HSD17B4: variants seen among roughly 807,000 people sequenced by gnomAD.
HSD17B4 encodes the protein hydroxysteroid 17-beta dehydrogenase 4.
In HSD17B4, 70 loss-of-function variants were observed where a neutral mutation model predicts 101.0. The ratio of observed to expected loss-of-function variants is 0.69; its 90% CI spans 0.57 to 0.85. The LOEUF (loss-of-function observed/expected upper bound fraction) is 0.85, where lower values mean the gene tolerates loss of function less well. HSD17B4 is among the 40% of genes least tolerant of loss of function. The pLI, the probability that HSD17B4 is intolerant of heterozygous loss-of-function variation, is 0.00. For missense variants in HSD17B4, 984 were observed against 892.4 expected (o/e 1.10, Z -1.31); for synonymous variants, 347 against 297.1 (o/e 1.17, Z -1.73).
At chr5:119,494,326 T>TTTCTTTCTTTCC (rs1378214332) in intron 11 of HSD17B4, among the ~76,000 whole-genome samples, 457 of 24,332 alleles carry the variant, frequency 0.019, 2 homozygotes, top group Middle Eastern at 0.034. Flanking sequence ...CTTTCTTTCT[T>TTTCTTTCTTTCC]TTCTTTCTTT....
rs564890029 is a variant in HSD17B4, at chr5:119,482,795, A to G, written c.622+3774A>G. Among the ~76,000 whole-genome samples, 61 of 152,110 alleles carry G rather than the reference A, an allele frequency of 4.0e-4. 1 individual carries two copies. The highest frequency in any genetic ancestry group is 1.3e-3 in the African/African-American group (54 of 41,532). Reference sequence around the variant, plus strand: ...ACTGGAGCCCTGTTGATGGAGTGGTAAGGTATTGGGGAGGGGAAGTGTTCT... The same window carrying G: ...ACTGGAGCCCTGTTGATGGAGTGGTGAGGTATTGGGGAGGGGAAGTGTTCT... On this transcript the variant is annotated intron_variant, in intron 8 of 23. Transcript: ENST00000510025.
chr5:119,461,772 C>T (rs949828951), intron 2 of HSD17B4, among the ~76,000 whole-genome samples: 4 of 150,286 alleles, frequency 2.7e-5, no homozygotes, highest in African/African-American at 9.8e-5. Context: ...GTAGTCTTAG[C>T]TACTCAGGAG....
rs746719825 is a variant in HSD17B4 at position 119,496,660 on chromosome 5, A to C, written c.972+14A>C. On this transcript the variant is annotated intron_variant, in intron 12 of 23. Coordinates refer to ENST00000510025, the MANE Select transcript of HSD17B4 (RefSeq NM_000414.4). ...ACATCAGGATTTGTAAGTGGGAAAA[A>C]AGCCTAAAGCGTTTGCCTTCTCTGG... The C allele has an allele frequency of 6.9e-7, 1 of 1,438,978 alleles. No individual in the cohort carries two copies. Among genetic ancestry groups the C allele is most frequent in the Non-Finnish European group, 9.8e-7 (1 of 1,020,170 alleles). 89.1% of individuals were successfully genotyped at this position (1,438,978 alleles called of 1,614,324 possible).
At chr5:119,481,200 A>T (rs1580569370) in intron 8 of HSD17B4, among the ~76,000 whole-genome samples, 2 of 152,172 alleles carry the variant, frequency 1.3e-5, no homozygotes, top group African/African-American at 4.8e-5. Context: ...AATCTTTACA[A>T]TTTATGTTTA....
At chr5:119,521,987 G>A (rs1461638407) in intron 17 of HSD17B4, among the ~76,000 whole-genome samples, 5 of 151,332 alleles carry the variant, frequency 3.3e-5, no homozygotes, top group Non-Finnish European at 5.9e-5. Context: ...TGCACAATGT[G>A]CAGGTTTGTT....
Position 119,527,196 on chromosome 5 carries a change from A to C in HSD17B4, c.1744A>C (p.Asn582His). Residue 582 changes from asparagine to histidine, a missense_variant, in exon 20 of 24, where the codon AAC (asparagine) becomes CAC (histidine). By Grantham distance (68) the Asn-to-His change is moderately conservative (BLOSUM62 1). Coordinates refer to ENST00000510025, the MANE Select transcript of HSD17B4 (RefSeq NM_000414.4). The stretch of plus-strand genomic sequence containing the variant: ...ACAAACTGAGATGTGGAAGGAAGGA[A>C]ACAGAATTCATTTTCAAACCAAGGT... ...TLQTEMWKEG[N>H]RIHFQTKVQE... The C allele has an allele frequency of 6.2e-7, 1 of 1,607,360 alleles. No homozygotes were observed.
At chr5:119,484,535 G>A (rs1327336300) in intron 8 of HSD17B4, among the ~76,000 whole-genome samples, 1 of 152,058 alleles carries the variant, frequency 6.6e-6, no homozygotes, top group African/African-American at 2.4e-5. Context: ...AGTTGACTAT[G>A]GAGAACTGTG....
chr5:119,498,389 A>G (rs1231354292), intron 12 of HSD17B4, among the ~76,000 whole-genome samples: 1 of 152,180 alleles, frequency 6.6e-6, no homozygotes, highest in African/African-American at 2.4e-5. Context: ...ATCAACCTGT[A>G]TAAACCATTT....
At chr5:119,452,773 C>T (rs1316869711) in intron 1 of HSD17B4, 140 bp downstream of exon 1, 7 of 1,563,482 alleles carry the variant, frequency 4.5e-6, no homozygotes, top group African/African-American at 1.4e-5. Flanking sequence ...CTTGAGGCAC[C>T]GCATCTCTTG....
intron 16 of HSD17B4, chr5:119,509,617 A>G (rs1389042278): frequency 5.7e-6 from 2 of 348,456 alleles, no homozygotes; most frequent in South Asian, 2.4e-5. Flanking sequence ...TCCTATGTGT[A>G]TGTCAAGTCT....
intron 2 of HSD17B4, among the ~76,000 whole-genome samples, chr5:119,470,139 C>T (rs571547270): frequency 6.6e-6 from 1 of 151,612 alleles, no homozygotes; most frequent in African/African-American, 2.4e-5. Context: ...CTGGGGAATG[C>T]GTATGTCAGC....
chr5:119,484,719 C>T (rs1272476573), intron 8 of HSD17B4, among the ~76,000 whole-genome samples: 1 of 152,114 alleles, frequency 6.6e-6, no homozygotes, highest in Non-Finnish European at 1.5e-5. Context: ...AACTAACATT[C>T]ATTTTAGAAC....
intron 1 of HSD17B4, among the ~76,000 whole-genome samples, chr5:119,453,665 A>T (rs1754307046): frequency 6.6e-6 from 1 of 152,212 alleles, no homozygotes; most frequent in Admixed American, 6.5e-5. Flanking sequence ...GTACTTTCAT[A>T]TCTGTATTGA....
At chr5:119,531,504 CTTTT>C in intron 22 of HSD17B4, 100 bp downstream of exon 22, 4 of 1,225,942 alleles carry the variant, frequency 3.3e-6, no homozygotes, top group Non-Finnish European at 4.7e-6. Context: ...TAAATCTTAC[CTTTT>C]TAGGTAAGTT....
chr5:119,512,082 T>C (rs2126824628), intron 16 of HSD17B4, among the ~76,000 whole-genome samples: 2 of 152,262 alleles, frequency 1.3e-5, no homozygotes, highest in Admixed American at 1.3e-4. Context: ...AAATTTACTG[T>C]TGAAGGGCCA....
intron 2 of HSD17B4, among the ~76,000 whole-genome samples, chr5:119,457,156 G>A (rs1404650100): frequency 3.3e-5 from 5 of 152,176 alleles, no homozygotes; most frequent in South Asian, 2.1e-4. Context: ...ACACAGAAAC[G>A]AATTTGTCCA....
intron 23 of HSD17B4, among the ~76,000 whole-genome samples, chr5:119,541,681 G>A (rs1319094842): frequency 6.6e-6 from 1 of 151,902 alleles, no homozygotes; most frequent in Non-Finnish European, 1.5e-5. Context: ...ATAAATTATT[G>A]TATAGTTTTC....
At chr5:119,528,092 A>G (rs1232076927) in intron 20 of HSD17B4, among the ~76,000 whole-genome samples, 1 of 152,132 alleles carries the variant, frequency 6.6e-6, no homozygotes, top group African/African-American at 2.4e-5. Flanking sequence ...GAGAACCTAT[A>G]AACTGGCAAT....
At position 119,515,014 on chromosome 5, in the gene HSD17B4, G is replaced by A. The variant is rs28943591; in HGVS notation, c.1471G>A (p.Ala491Thr). The A allele has an allele frequency of 4.9e-3, 7,843 of 1,585,784 alleles. 25 individuals are homozygous for A. The highest frequency in any genetic ancestry group is 6.2e-3 in the Non-Finnish European group (7,154 of 1,154,398). The change falls in exon 17 of 24, where the codon GCT becomes ACT. Residue 491 changes from alanine (A) to threonine (T), a missense_variant. Coordinates refer to ENST00000510025, the MANE Select transcript of HSD17B4 (RefSeq NM_000414.4). ...AVAIPNRPPD[A>T]VLTDTTSLNQ... is the part of the protein sequence containing the mutation. Reference sequence around the variant, plus strand: ...AGCCATACCTAATAGACCTCCTGATGCTGTACTTACAGATACCACCTCTCT... The same window carrying A: ...AGCCATACCTAATAGACCTCCTGATACTGTACTTACAGATACCACCTCTCT...
Sources: gnomAD v4.1 joint callset for allele counts (sites outside exome capture counted in the v4.1 genomes callset) on GRCh38, gnomAD v4.1.1 for gene constraint, MANE v1.5 for transcripts, NCBI Gene and HGNC (gene_info 2026-07-23, HGNC 2026-07-21) for gene names.